GAP43: variants seen among roughly 807,000 people sequenced by gnomAD.
GAP43 encodes the protein growth associated protein 43.
Under a neutral mutation model 18.6 loss-of-function variants are expected in GAP43, and 6 were observed. The observed-to-expected ratio is 0.32, with a 90% confidence interval of 0.18 to 0.64. The LOEUF (loss-of-function observed/expected upper bound fraction) is 0.64, where lower values mean the gene tolerates loss of function less well. Among genes scored for constraint, GAP43 ranks in the 30% least tolerant of loss-of-function variants. The pLI, the probability that GAP43 is intolerant of heterozygous loss-of-function variation, is 0.78. For missense variants in GAP43, 292 were observed against 295.5 expected (o/e 0.99, Z 0.09); for synonymous variants, 115 against 111.4 (o/e 1.03, Z -0.20).
At chr3:115,646,173 T>C (rs1708455567) in intron 1 of GAP43, among the ~76,000 whole-genome samples, 2 of 152,138 alleles carry the variant, frequency 1.3e-5, no homozygotes, top group South Asian at 2.1e-4. Context: ...TAAGTCAGCC[T>C]TAGATAAACA....
chr3:115,685,519 G>T (rs1041202163), intron 2 of GAP43, among the ~76,000 whole-genome samples: 3 of 152,198 alleles, frequency 2.0e-5, no homozygotes. Context: ...CAGTAAACAG[G>T]CTTTCCCATT....
intron 1 of GAP43, among the ~76,000 whole-genome samples, chr3:115,667,609 C>T (rs1708750052): frequency 6.6e-6 from 1 of 152,188 alleles, no homozygotes; most frequent in East Asian, 1.9e-4. Context: ...TCCCTGGGCT[C>T]TGGGGCCCTC....
intron 2 of GAP43, among the ~76,000 whole-genome samples, chr3:115,688,051 C>G (rs143616103): frequency 7.9e-5 from 12 of 152,230 alleles, no homozygotes; most frequent in East Asian, 5.8e-4. Context: ...GAGTCTCACT[C>G]TATCACCCAG....
chr3:115,698,205 T>TAAAA (rs376925773), intron 2 of GAP43, among the ~76,000 whole-genome samples: 24 of 5,472 alleles, frequency 4.4e-3, no homozygotes, highest in Admixed American at 8.6e-3. Context: ...ATATTATATA[T>TAAAA]TATATAAAAT....
intron 1 of GAP43, chr3:115,663,464 C>T (rs1298969623): frequency 9.6e-7 from 1 of 1,043,210 alleles, no homozygotes; most frequent in East Asian, 6.6e-5. Context: ...CCTCTCCCTC[C>T]CTCTTCTCCC....
intron 2 of GAP43, among the ~76,000 whole-genome samples, chr3:115,708,812 T>A (rs1215471731): frequency 6.6e-6 from 1 of 151,938 alleles, no homozygotes; most frequent in East Asian, 1.9e-4. Flanking sequence ...GTAAAGAAGA[T>A]CTGAGAGGGG....
At chr3:115,652,585 G>A (rs13097036) in intron 1 of GAP43, among the ~76,000 whole-genome samples, 23,031 of 151,482 alleles carry the variant, frequency 0.15, 2,042 homozygotes, top group Middle Eastern at 0.22. Flanking sequence ...ACAGGTTCTT[G>A]CTCTTGCCCA....
chr3:115,681,748 G>A (rs1708960653), intron 2 of GAP43, among the ~76,000 whole-genome samples: 1 of 152,192 alleles, frequency 6.6e-6, no homozygotes, highest in African/African-American at 2.4e-5. Flanking sequence ...TGAGTGCTAT[G>A]TGGGGATTGT....
chr3:115,663,621 G>A lies in GAP43; in HGVS notation c.31-12392G>A, dbSNP rs1036152114. 51 of 1,344,536 alleles carry A rather than the reference G, an allele frequency of 3.8e-5. No individual in the cohort carries two copies. In the Admixed American group the frequency reaches 5.0e-4, roughly 13 times the overall value. 83.3% of individuals were successfully genotyped at this position (1,344,536 alleles called of 1,614,324 possible). A position where few individuals can be genotyped will look rare whatever the true frequency, so the allele number is the denominator to read the frequency against. On this transcript the variant is annotated intron_variant, in intron 1 of 2. Coordinates refer to ENST00000305124, the MANE Select transcript of GAP43 (RefSeq NM_002045.4). ...GGAAAATGAGTCACAGCATCACCTG[G>A]GTGACGAGGTCATAACACCTCAGCC... is the stretch of plus-strand genomic sequence containing the variant.
chr3:115,672,017 A>G (rs1333419794), intron 1 of GAP43, among the ~76,000 whole-genome samples: 1 of 152,250 alleles, frequency 6.6e-6, no homozygotes, highest in Non-Finnish European at 1.5e-5. Flanking sequence ...AGTGCTTAAC[A>G]TAGGCACTGA....
At chr3:115,683,124 T>TGCGCGCGTGCGC (rs1553723452) in intron 2 of GAP43, among the ~76,000 whole-genome samples, 28 of 113,784 alleles carry the variant, frequency 2.5e-4, no homozygotes, top group Non-Finnish European at 3.2e-4. Flanking sequence ...TACATACATG[T>TGCGCGCGTGCGC]GCGCGCGCGT....
intron 1 of GAP43, among the ~76,000 whole-genome samples, chr3:115,640,257 T>A (rs1025799819): frequency 6.6e-6 from 1 of 152,076 alleles, no homozygotes; most frequent in African/African-American, 2.4e-5. Flanking sequence ...CATTGTACTT[T>A]AAAATTTTTA....
At chr3:115,651,115 C>T (rs1053788958) in intron 1 of GAP43, among the ~76,000 whole-genome samples, 1 of 152,002 alleles carries the variant, frequency 6.6e-6, no homozygotes, top group African/African-American at 2.4e-5. Context: ...CTGGAAGAGA[C>T]CCTGTCTGGA....
intron 1 of GAP43, among the ~76,000 whole-genome samples, chr3:115,657,052 A>G (rs1708593320): frequency 6.6e-6 from 1 of 152,240 alleles, no homozygotes; most frequent in Non-Finnish European, 1.5e-5. Flanking sequence ...AATTATAGCA[A>G]AACTCTTTTG....
chr3:115,688,809 C>A (rs1193685952), intron 2 of GAP43, among the ~76,000 whole-genome samples: 1 of 152,190 alleles, frequency 6.6e-6, no homozygotes, highest in Non-Finnish European at 1.5e-5. Flanking sequence ...ACCACTCATA[C>A]AAAGCTATGA....
At position 115,653,607 on chromosome 3, in the gene GAP43, T is replaced by A. The variant is rs139912773; in HGVS notation, c.31-22406T>A. 8.1e-3 allele frequency among the ~76,000 whole-genome samples: 1,240 copies of A among 152,262 alleles called. 15 individuals are homozygous for A. The highest frequency in any genetic ancestry group is 0.027 in the African/African-American group (1,139 of 41,556). ...CTAAAACTTTTATTTCTCCCAAGAC[T>A]AAGTTTACAGATTCTTAGAATTAAT... On this transcript the variant is annotated intron_variant, in intron 1 of 2. Transcript: ENST00000305124.
chr3:115,631,003 TG>T (rs1237259353), intron 1 of GAP43, among the ~76,000 whole-genome samples: 1 of 152,224 alleles, frequency 6.6e-6, no homozygotes, highest in Non-Finnish European at 1.5e-5. Context: ...CGACCATTTC[TG>T]ATTACTTATT....
At chr3:115,716,767 T>C (rs3925689) in intron 2 of GAP43, among the ~76,000 whole-genome samples, 1,440 of 79,364 alleles carry the variant, frequency 0.018, 30 homozygotes, top group South Asian at 0.051. Context: ...TATATATATA[T>C]ACAGAGAGAG....
chr3:115,712,358 AG>A (rs1375933628), intron 2 of GAP43, among the ~76,000 whole-genome samples: 1 of 152,166 alleles, frequency 6.6e-6, no homozygotes, highest in Non-Finnish European at 1.5e-5. Context: ...CTAGGGGAGA[AG>A]GTCTCTTAAT....
Sources: allele counts gnomAD v4.1 joint callset (sites outside exome capture counted in the v4.1 genomes callset), GRCh38; gene constraint gnomAD v4.1.1; transcripts MANE v1.5; gene names NCBI Gene and HGNC (gene_info 2026-07-23, HGNC 2026-07-21).